The following TULP4 variants were observed in gnomAD, a reference collection of about 807,000 sequenced individuals.
TULP4 encodes tubby-related protein 4.
Under a neutral mutation model 129.0 loss-of-function variants are expected in TULP4, and 16 were observed. The ratio of observed to expected loss-of-function variants is 0.12; its 90% CI spans 0.08 to 0.19. The LOEUF is 0.19. TULP4 is among the 10% of genes least tolerant of loss of function. The pLI, the probability that TULP4 is intolerant of heterozygous loss-of-function variation, is 1.00. For missense variants in TULP4, 1,842 were observed against 2,059.1 expected (o/e 0.89, Z 2.04); for synonymous variants, 998 against 854.0 (o/e 1.17, Z -2.94).
chr6:158,285,303 AAAC>A (rs1778817386), intron 1 of TULP4, among the ~76,000 whole-genome samples: 1 of 152,096 alleles, frequency 6.6e-6, no homozygotes, highest in African/African-American at 2.4e-5. Context: ...TATTAACAAT[AAAC>A]AACATATTAT....
chr6:158,313,654 C>A lies in TULP4; in HGVS notation c.-363C>A. 4.5e-6 allele frequency: 2 copies of A among 440,944 alleles called. No individual in the cohort carries two copies. The highest frequency in any genetic ancestry group is 1.4e-4 in the South Asian group (2 of 14,024). 27.3% of individuals were successfully genotyped at this position (440,944 alleles called of 1,614,324 possible). Reference sequence around the variant, plus strand: ...GAATCTCAGGCTGAATGAGAATAACCAAGTGGAGTAAAAAGAAGAAAACCG... The same window carrying A: ...GAATCTCAGGCTGAATGAGAATAACAAAGTGGAGTAAAAAGAAGAAAACCG... On this transcript the variant is annotated 5_prime_UTR_variant, in exon 1 of 14. Coordinates refer to ENST00000367097, the MANE Select transcript of TULP4 (RefSeq NM_020245.5).
At position 158,413,658 on chromosome 6, in the gene TULP4, C is replaced by T. The variant is rs747415064; in HGVS notation, c.381+465C>T. Among the ~76,000 whole-genome samples the T allele has an allele frequency of 5.3e-5, 8 of 152,236 alleles. No individual in the cohort carries two copies. Among genetic ancestry groups the T allele is most frequent in the African/African-American group, 1.9e-4 (8 of 41,464 alleles). The stretch of plus-strand genomic sequence containing the variant: ...CACAGGCTTCAATCAGCACGGCCTC[C>T]TGTTGTCATCCTCCAGCTCTTCCTT... On this transcript the variant is annotated intron_variant, in intron 2 of 13. Transcript: ENST00000367097. The surrounding 1 kb of genome is among the most constrained non-coding windows in gnomAD (Gnocchi z 4.9).
chr6:158,368,066 CAAAAAA>C lies in TULP4; in HGVS notation c.253-44982_253-44977del, dbSNP rs3085241. ...ACTCCAGCCTGGGTGACCCTGTCTC[CAAAAAA>C]AAAAAAAAAAAAAAAAGGAGCTTCC... On this transcript the variant is annotated intron_variant, in intron 1 of 13. Coordinates refer to ENST00000367097, the MANE Select transcript of TULP4 (RefSeq NM_020245.5). Among the ~76,000 whole-genome samples, 98 of 65,014 alleles carry C rather than the reference CAAAAAA, an allele frequency of 1.5e-3. 1 individual carries two copies. The South Asian group carries it at 0.036, about 24-fold the overall frequency. The allele number at this position is 65,014 out of a possible 152,430, so 42.7% of individuals were successfully genotyped here.
intron 1 of TULP4, among the ~76,000 whole-genome samples, chr6:158,327,744 AG>A (rs1779778460): frequency 6.6e-6 from 1 of 150,536 alleles, no homozygotes; most frequent in Admixed American, 6.6e-5. Context: ...GAGTGTGTAT[AG>A]GGGTGGTTCT....
At chr6:158,362,957 G>A (rs1228202582) in intron 1 of TULP4, among the ~76,000 whole-genome samples, 1 of 151,384 alleles carries the variant, frequency 6.6e-6, no homozygotes, top group Non-Finnish European at 1.5e-5. Flanking sequence ...AGCTACTCGG[G>A]AGGCTAAGGC....
At chr6:158,290,797 T>A (rs1164074984) in intron 1 of TULP4, among the ~76,000 whole-genome samples, 1 of 152,204 alleles carries the variant, frequency 6.6e-6, no homozygotes, top group African/African-American at 2.4e-5. Context: ...TTTTTTATTT[T>A]TTAGTTTTCT....
chr6:158,260,114 T>A (rs1379772588), intron 1 of TULP4, among the ~76,000 whole-genome samples: 1 of 152,192 alleles, frequency 6.6e-6, no homozygotes, highest in Admixed American at 6.5e-5. Flanking sequence ...ATGCTTGGTC[T>A]TTCTGGAATG....
upstream of TULP4, among the ~76,000 whole-genome samples, chr6:158,307,697 G>A (rs539376145): frequency 3.9e-5 from 6 of 152,080 alleles, no homozygotes; most frequent in Non-Finnish European, 7.4e-5. Flanking sequence ...TGGCCAGCCC[G>A]GTCTCGAACT....
chr6:158,436,770 A>T (rs925401619), intron 3 of TULP4, among the ~76,000 whole-genome samples: 3 of 152,248 alleles, frequency 2.0e-5, no homozygotes, highest in African/African-American at 7.2e-5. Context: ...AGTATTAAAT[A>T]GTCACCATGG....
intron 9 of TULP4, among the ~76,000 whole-genome samples, chr6:158,491,472 TTTTCTTTCTTTCTTTC>T (rs201892013): frequency 2.5e-5 from 1 of 39,456 alleles, no homozygotes; most frequent in African/African-American, 1.2e-4. Context: ...TCTTTCTTTC[TTTTCTTTCTTTCTTTC>T]TTTCTTTCTT....
chr6:158,451,127 C>A (rs963264198), intron 4 of TULP4, among the ~76,000 whole-genome samples: 1 of 152,032 alleles, frequency 6.6e-6, no homozygotes, highest in South Asian at 2.1e-4. Context: ...ACTCAGAGAC[C>A]AAGTTTATAA....
At chr6:158,491,596 G>A (rs193050734) in intron 9 of TULP4, among the ~76,000 whole-genome samples, 242 of 151,628 alleles carry the variant, frequency 1.6e-3, no homozygotes, top group African/African-American at 5.5e-3. Context: ...GGGTTCAAAC[G>A]ATTCTCCTGC....
At chr6:158,385,842 C>CTTTTTTTTTTTTATTTTTTTTTTT (rs1777432635) in intron 1 of TULP4, among the ~76,000 whole-genome samples, 1 of 59,576 alleles carries the variant, frequency 1.7e-5, no homozygotes, top group Non-Finnish European at 3.0e-5. Flanking sequence ...TGTGGAATAT[C>CTTTTTTTTTTTTATTTTTTTTTTT]TTTTTTTTTT....
rs760814645 is a variant in TULP4 at position 158,494,830 on chromosome 6, A to G, written c.1854A>G (p.Pro618=). 6.2e-7 allele frequency: 1 copy of G among 1,614,104 alleles called. No individual in the cohort carries two copies. The highest frequency in any genetic ancestry group is 8.5e-7 in the Non-Finnish European group (1 of 1,180,002). Residue 618 remains proline (P), a synonymous_variant, in exon 11 of 14, where the codon CCA becomes CCG. Coordinates refer to ENST00000367097, the MANE Select transcript of TULP4 (RefSeq NM_020245.5). ...FKIVGLAAFL[P]TNLGAVIYKT... is the part of the protein sequence containing the mutation. ...TTGTGGGCTTGGCTGCTTTCCTGCC[A>G]ACCAACCTCGGTGCAGGTAAAAATC...
chr6:158,254,755 G>T (rs140860128), intron 1 of TULP4, among the ~76,000 whole-genome samples: 69 of 152,284 alleles, frequency 4.5e-4, no homozygotes, highest in African/African-American at 1.5e-3. Context: ...CTTGAGACTT[G>T]AGTCTGCATC....
At chr6:158,399,113 G>C (rs1777786965) in intron 1 of TULP4, among the ~76,000 whole-genome samples, 1 of 152,214 alleles carries the variant, frequency 6.6e-6, no homozygotes, top group South Asian at 2.1e-4. Context: ...TCCTAATGTA[G>C]TGAGGAGTCT....
chr6:158,277,192 C>T (rs950629382), intron 1 of TULP4, among the ~76,000 whole-genome samples: 1 of 152,178 alleles, frequency 6.6e-6, no homozygotes, highest in African/African-American at 2.4e-5. Context: ...CTTCATGCCT[C>T]AGCCTCCCAA....
intron 1 of TULP4, among the ~76,000 whole-genome samples, chr6:158,393,468 AT>A (rs1777634650): frequency 6.6e-6 from 1 of 152,254 alleles, no homozygotes. Context: ...AAGGTTCTCC[AT>A]AAGGGCTCCA....
At chr6:158,466,999 C>A (rs1779568657) in intron 6 of TULP4, among the ~76,000 whole-genome samples, 1 of 152,162 alleles carries the variant, frequency 6.6e-6, no homozygotes, top group South Asian at 2.1e-4. Flanking sequence ...TATAGACCCA[C>A]CTGCTTACTT....
Sources: allele counts gnomAD v4.1 joint callset (sites outside exome capture counted in the v4.1 genomes callset), GRCh38; gene constraint gnomAD v4.1.1; non-coding constraint Gnocchi (gnomAD v3.1); transcripts MANE v1.5; gene names NCBI Gene and HGNC (gene_info 2026-07-23, HGNC 2026-07-21).